MAPK8IP3: variants seen among roughly 807,000 people sequenced by gnomAD.
MAPK8IP3 encodes mitogen-activated protein kinase 8 interacting protein 3, also known as C-Jun-amino-terminal kinase-interacting protein 3.
A neutral mutation model predicts 157.8 loss-of-function variants in MAPK8IP3; 49 were observed. The observed-to-expected ratio is 0.31, with a 90% CI of 0.25 to 0.39. The LOEUF (loss-of-function observed/expected upper bound fraction) is 0.39. Ranked by LOEUF, MAPK8IP3 falls within the 10% of genes least tolerant of loss-of-function variation. MAPK8IP3 has a pLI of 1.00. For synonymous variants in MAPK8IP3, 897 were observed against 777.7 expected (o/e 1.15, Z -2.55); for missense variants, 1,478 against 1,889.4 (o/e 0.78, Z 4.04).
At chr16:1,759,769 G>C (rs866810365) in intron 10 of MAPK8IP3, among the ~76,000 whole-genome samples, 189 bp from the exon 11 acceptor site, 5 of 152,366 alleles carry the variant, frequency 3.3e-5, no homozygotes, top group African/African-American at 1.2e-4. Context: ...AGGCCTGGGA[G>C]CCTGCTCTGT....
chr16:1,736,290 G>A (rs377550678), intron 4 of MAPK8IP3, among the ~76,000 whole-genome samples: 2 of 86,814 alleles, frequency 2.3e-5, no homozygotes, highest in South Asian at 5.5e-4. Context: ...GTGAGCATCC[G>A]TGTGACCGTG....
chr16:1,729,532 C>G lies in MAPK8IP3; in HGVS notation c.556C>G (p.Gln186Glu), dbSNP rs370845658. The G allele has an allele frequency of 5.0e-6, 8 of 1,612,436 alleles. No individual in the cohort carries two copies. Among genetic ancestry groups the G allele is most frequent in the African/African-American group, 1.3e-5 (1 of 74,906 alleles). Residue 186 changes from glutamine (Q) to glutamate (E), a missense_variant, in exon 4 of 32, where the codon CAG becomes GAG. Gln to Glu is a conservative substitution (Grantham distance 29). Transcript: ENST00000610761. ...VEHIERSKMQ[Q>E]VGGNSQTESS... ...GCACATTGAGAGGTCCAAGATGCAGCAGGTCGGAGGAAACAGCCAGACCGA... is the reference window on the plus strand; with the variant it reads ...GCACATTGAGAGGTCCAAGATGCAGGAGGTCGGAGGAAACAGCCAGACCGA...
At chr16:1,715,343 C>G (rs2038076746) in intron 1 of MAPK8IP3, among the ~76,000 whole-genome samples, 1 of 152,160 alleles carries the variant, frequency 6.6e-6, no homozygotes, top group East Asian at 1.9e-4. Context: ...CCAGAGCCAC[C>G]CCCTGCACGT....
chr16:1,756,498 C>T (rs959170972), intron 8 of MAPK8IP3, among the ~76,000 whole-genome samples: 8 of 151,744 alleles, frequency 5.3e-5, no homozygotes, highest in African/African-American at 7.3e-5. Flanking sequence ...AAAAAGCAAC[C>T]GGGGTCAGGC....
chr16:1,708,203 A>AC (rs2037524026), intron 1 of MAPK8IP3, among the ~76,000 whole-genome samples: 1 of 152,178 alleles, frequency 6.6e-6, no homozygotes, highest in African/African-American at 2.4e-5. Context: ...AAGGTCACCC[A>AC]CCCCAGAAGT....
At chr16:1,725,481 C>T (rs1415925370) in intron 2 of MAPK8IP3, among the ~76,000 whole-genome samples, 2 of 150,886 alleles carry the variant, frequency 1.3e-5, no homozygotes, top group Non-Finnish European at 3.0e-5. Flanking sequence ...ATAAAAATTA[C>T]CCGGGCATGG....
rs757744850 is a variant in MAPK8IP3, at chr16:1,706,391, G to T, written c.52G>T (p.Asp18Tyr). Residue 18 changes from aspartate to tyrosine, a missense_variant, in exon 1 of 32, where the codon GAC becomes TAC. Physicochemically the swap from Asp to Tyr is radical, Grantham distance 160. Transcript: ENST00000610761. The surrounding 1 kb of genome is among the most constrained non-coding windows in gnomAD (Gnocchi z 5.1). ...CGGCGGCGTGGTGGTGTACCAGGAC[G>T]ACTACTGCTCCGGCTCGGTGATGTC... ...EGGGVVVYQDDYCSGSVMSER... is the reference protein window; with the variant it reads ...EGGGVVVYQDYYCSGSVMSER... 2 of 1,612,746 alleles carry T rather than the reference G, an allele frequency of 1.2e-6. No homozygotes were observed. Among genetic ancestry groups the T allele is most frequent in the Non-Finnish European group, 1.7e-6 (2 of 1,179,660 alleles).
At chr16:1,767,012 G>A in intron 25 of MAPK8IP3, 41 bp downstream of exon 25, 2 of 1,568,058 alleles carry the variant, frequency 1.3e-6, no homozygotes, top group Non-Finnish European at 1.7e-6. Flanking sequence ...GGCAGCTGAT[G>A]GCCCTGGCAT....
chr16:1,757,167 G>A (rs186410001), intron 8 of MAPK8IP3, among the ~76,000 whole-genome samples: 16 of 152,026 alleles, frequency 1.1e-4, no homozygotes, highest in Admixed American at 9.2e-4. Context: ...GTGCAGTGGC[G>A]TGATCTCAGC....
intron 16 of MAPK8IP3, 35 bp from the exon 17 acceptor site, chr16:1,763,621 CT>C (rs1374006040): frequency 6.6e-7 from 1 of 1,505,834 alleles, no homozygotes; most frequent in Non-Finnish European, 8.9e-7. Context: ...GCCGCTCACC[CT>C]GGACAGAGAC....
chr16:1,759,133 A>C, intron 10 of MAPK8IP3, 138 bp downstream of exon 10: 1 of 1,161,612 alleles, frequency 8.6e-7, no homozygotes, highest in Non-Finnish European at 1.3e-6. Flanking sequence ...CCCTGAGTGA[A>C]GCTCGCTCTG....
intron 4 of MAPK8IP3, among the ~76,000 whole-genome samples, chr16:1,737,637 C>T (rs1295173105): frequency 1.4e-5 from 1 of 69,710 alleles, no homozygotes; most frequent in Non-Finnish European, 2.7e-5. Flanking sequence ...TCCATGTGAG[C>T]ATCCGTGTGA....
Position 1,747,897 on chromosome 16 carries a change from C to T in MAPK8IP3, c.995-347C>T, listed in dbSNP as rs556768633. ...CTAACCAGTAACCTGCGTTGCCCCA[C>T]GGCACACAGGCCAGTGAGGGAAAGA... On this transcript the variant is annotated intron_variant, in intron 6 of 31. Transcript: ENST00000610761. Among the ~76,000 whole-genome samples, 20 of 152,360 alleles carry T rather than the reference C, an allele frequency of 1.3e-4. No individual in the cohort carries two copies. The East Asian group carries it at 1.9e-3, about 15-fold the overall frequency.
chr16:1,744,703 G>C (rs2040862621), intron 5 of MAPK8IP3: 3 of 985,356 alleles, frequency 3.0e-6, no homozygotes, highest in African/African-American at 1.7e-5. Context: ...TCTGGCCTCC[G>C]GGCTGCCTCT....
At chr16:1,732,890 G>T (rs1212243646) in intron 4 of MAPK8IP3, among the ~76,000 whole-genome samples, 3 of 152,250 alleles carry the variant, frequency 2.0e-5, no homozygotes, top group Non-Finnish European at 4.4e-5. Flanking sequence ...AGCACCATGA[G>T]AACTACACCG....
intron 4 of MAPK8IP3, among the ~76,000 whole-genome samples, chr16:1,738,045 ACCGT>A (rs1284296471): frequency 4.2e-5 from 3 of 70,784 alleles, no homozygotes; most frequent in Admixed American, 1.9e-4. Flanking sequence ...TGAGCGTGTG[ACCGT>A]CCGTGTGAGT....
intron 4 of MAPK8IP3, 25 bp downstream of exon 4, chr16:1,729,603 G>T: frequency 6.4e-7 from 1 of 1,570,846 alleles, no homozygotes; most frequent in Non-Finnish European, 8.7e-7. Context: ...GCGGGGTGGA[G>T]GTACGCGGGG....
chr16:1,724,484 G>A lies in MAPK8IP3; in HGVS notation c.319-73G>A, dbSNP rs952459975. ...TGGCCCCTGGGCCCTCAAAGCCTGC[G>A]GCCCTTCAAGTGAAAGGCGGCTGCT... On this transcript the variant is annotated intron_variant, in intron 1 of 31. Coordinates refer to ENST00000610761, the MANE Select transcript of MAPK8IP3 (RefSeq NM_001318852.2). This position sits in a 1 kb window ranked among gnomAD's most constrained non-coding sequence, Gnocchi z 4.1. 1.7e-5 allele frequency: 27 copies of A among 1,559,858 alleles called. No homozygotes were observed. In the African/African-American group the frequency reaches 1.8e-4, roughly 10 times the overall value.
At chr16:1,750,705 T>C (rs1347037645) in intron 8 of MAPK8IP3, among the ~76,000 whole-genome samples, 1 of 151,146 alleles carries the variant, frequency 6.6e-6, no homozygotes, top group East Asian at 2.0e-4. Flanking sequence ...AGTGCAGTGG[T>C]GCGATCTCGG....
Sources: gnomAD v4.1 joint callset for allele counts (sites outside exome capture counted in the v4.1 genomes callset) on GRCh38, gnomAD v4.1.1 for gene constraint, Gnocchi (gnomAD v3.1) non-coding constraint, MANE v1.5 for transcripts, NCBI Gene and HGNC (gene_info 2026-07-23, HGNC 2026-07-21) for gene names.